The following GJA3 variants were observed in gnomAD, a reference collection of about 807,000 sequenced individuals.
The protein encoded by GJA3 is gap junction protein alpha 3.
For synonymous variants in GJA3, 297 were observed against 292.6 expected (o/e 1.02, Z -0.15); for missense variants, 571 against 620.3 (o/e 0.92, Z 0.84).
chr13:20,142,237 G>C lies in GJA3; in HGVS notation c.1052C>G (p.Ala351Gly). Residue 351 changes from alanine (A) to glycine (G), a missense_variant, in exon 2 of 2, where the codon GCC becomes GGC. Ala to Gly is a moderately conservative substitution (Grantham distance 60). Transcript: ENST00000241125. ...KAYPAASTPA[A>G]PSPVGSSSPP... ...GGAGCTGCTGCCGACGGGGCTGGGG[G>C]CTGCAGGCGTGGACGCTGCCGGGTA... 5.2e-6 allele frequency: 8 copies of C among 1,533,696 alleles called. No individual in the cohort carries two copies. The highest frequency in any genetic ancestry group is 7.0e-6 in the Non-Finnish European group (8 of 1,144,554).
At chr13:20,155,939 G>A (rs1228533358) in intron 1 of GJA3, among the ~76,000 whole-genome samples, 1 of 152,018 alleles carries the variant, frequency 6.6e-6, no homozygotes, top group African/African-American at 2.4e-5. Context: ...ATCTAATGCT[G>A]TTGCAGGAAA....
intron 1 of GJA3, among the ~76,000 whole-genome samples, chr13:20,158,978 T>C (rs564868642): frequency 6.7e-6 from 1 of 149,056 alleles, no homozygotes; most frequent in Non-Finnish European, 1.5e-5. Flanking sequence ...AGTACTAACC[T>C]AGTTATCATG....
rs1343558339 is a variant in GJA3 at position 20,138,562 on chromosome 13, A to G, written c.*3419T>C. 1 of 152,148 alleles carries G rather than the reference A, an allele frequency of 6.6e-6. No homozygotes were observed. Among genetic ancestry groups the G allele is most frequent in the Non-Finnish European group, 1.5e-5 (1 of 68,042 alleles). 9.4% of individuals were successfully genotyped at this position (152,148 alleles called of 1,614,324 possible). On this transcript the variant is annotated 3_prime_UTR_variant, in exon 2 of 2. Coordinates refer to ENST00000241125, the MANE Select transcript of GJA3 (RefSeq NM_021954.4). The stretch of plus-strand genomic sequence containing the variant: ...TGAGTCAACCCAAGATTTGCACTGT[A>G]ATATAAAATTAGGAAGAAAAGTGCC...
intron 1 of GJA3, among the ~76,000 whole-genome samples, chr13:20,148,792 G>C (rs1052473080): frequency 6.6e-6 from 1 of 152,208 alleles, no homozygotes; most frequent in African/African-American, 2.4e-5. Flanking sequence ...GGAGGCCCCC[G>C]GTGTGATCGC....
chr13:20,148,271 T>C (rs1958855580), intron 1 of GJA3, among the ~76,000 whole-genome samples: 1 of 149,052 alleles, frequency 6.7e-6, no homozygotes. Context: ...TTTTTTTTTT[T>C]TTTTGAGACA....
In GJA3 at chr13:20,142,883, G is replaced by A. The variant is rs1958820071; in HGVS notation, c.406C>T (p.Arg136Cys). 2 of 1,603,532 alleles carry A rather than the reference G, an allele frequency of 1.2e-6. No individual in the cohort carries two copies. The highest frequency in any genetic ancestry group is 1.7e-6 in the Non-Finnish European group (2 of 1,174,998). The stretch of plus-strand genomic sequence containing the variant: ...GCCCCGGCCATGCGCACCCTGCCGC[G>A]GTCGTCCCGCGACGAGGGATTGTCC... ...PQDNPSSRDD[R>C]GRVRMAGALL... The change falls in exon 2 of 2, where the codon CGC becomes TGC. Residue 136 changes from arginine to cysteine, a missense_variant. Arg to Cys is a radical substitution (Grantham distance 180, BLOSUM62 -3). Transcript: ENST00000241125.
chr13:20,145,263 T>C lies in GJA3; in HGVS notation c.-17-1958A>G, dbSNP rs539870835. On this transcript the variant is annotated intron_variant, in intron 1 of 1. Transcript: ENST00000241125. The stretch of plus-strand genomic sequence containing the variant: ...AAAAGAAAACTCTACTCATTAACAA[T>C]CTAAAGAAACAGACGAATGTTAACT... Among the ~76,000 whole-genome samples, 4 of 152,254 alleles carry C rather than the reference T, an allele frequency of 2.6e-5. No individual in the cohort carries two copies. In the East Asian group the frequency reaches 7.7e-4, roughly 29 times the overall value.
chr13:20,143,998 G>T (rs1426155627), intron 1 of GJA3, among the ~76,000 whole-genome samples: 3 of 152,174 alleles, frequency 2.0e-5, no homozygotes, highest in Admixed American at 2.0e-4. Context: ...ACAGTCTATG[G>T]GATATTGCTT....
intron 1 of GJA3, among the ~76,000 whole-genome samples, chr13:20,157,378 T>C (rs1276328165): frequency 2.0e-5 from 3 of 152,122 alleles, no homozygotes; most frequent in Non-Finnish European, 2.9e-5. Flanking sequence ...CTCATATAAA[T>C]CCAAATGACA....
intron 1 of GJA3, among the ~76,000 whole-genome samples, chr13:20,152,014 T>A (rs1187578164): frequency 6.6e-6 from 1 of 152,150 alleles, no homozygotes; most frequent in Non-Finnish European, 1.5e-5. Flanking sequence ...AACTGCCTTT[T>A]ACCAAGATGG....
intron 1 of GJA3, among the ~76,000 whole-genome samples, chr13:20,157,890 C>G (rs986954549): frequency 7.3e-6 from 1 of 136,176 alleles, no homozygotes; most frequent in African/African-American, 2.7e-5. Context: ...TTTTTTTTTT[C>G]TGTCACACTT....
intron 1 of GJA3, among the ~76,000 whole-genome samples, chr13:20,152,067 C>T (rs1040261902): frequency 6.6e-5 from 10 of 152,148 alleles, no homozygotes; most frequent in Non-Finnish European, 1.2e-4. Flanking sequence ...AAATGGCGAT[C>T]ATGAATTGTC....
chr13:20,142,439 C>T lies in GJA3; in HGVS notation c.850G>A (p.Ala284Thr), dbSNP rs1257499106. 3 of 1,511,416 alleles carry T rather than the reference C, an allele frequency of 2.0e-6. No individual in the cohort carries two copies. The highest frequency in any genetic ancestry group is 1.8e-6 in the Non-Finnish European group (2 of 1,129,182). The allele number at this position is 1,511,416 out of a possible 1,614,324, so 93.6% of individuals were successfully genotyped here. The change falls in exon 2 of 2, where the codon GCC becomes ACC. Residue 284 changes from alanine (A) to threonine (T), a missense_variant. By Grantham distance (58) the Ala-to-Thr change is moderately conservative. Coordinates refer to ENST00000241125, the MANE Select transcript of GJA3 (RefSeq NM_021954.4). ...GGCGGGGCCCCGGGGTAGCCCACGG[C>T]GCGGGCCTGTCCCAGGGGCGCAGCG... The part of the protein sequence containing the change: ...HTAAPLGQAR[A>T]VGYPGAPPPA...
chr13:20,160,702 T>C (rs1958931856), intron 1 of GJA3, among the ~76,000 whole-genome samples, 188 bp downstream of exon 1: 1 of 152,180 alleles, frequency 6.6e-6, no homozygotes, highest in African/African-American at 2.4e-5. Context: ...CCACAACTTT[T>C]TGAAGAATCC....
rs147535473 is a variant in GJA3, at chr13:20,142,707, G to A, written c.582C>T (p.Ile194=). The A allele has an allele frequency of 5.0e-6, 8 of 1,613,864 alleles. No individual in the cohort carries two copies. In the African/African-American group the frequency reaches 1.1e-4, roughly 22 times the overall value. ...WPCPNTVDCF[I]SRPTEKTIFI... ...AGATGGTCTTCTCCGTGGGCCTGGA[G>A]ATGAAGCAGTCCACCGTGTTGGGGC... is the stretch of plus-strand genomic sequence containing the variant. Residue 194 remains isoleucine (I), a synonymous_variant, in exon 2 of 2, where the codon ATC becomes ATT. Transcript: ENST00000241125.
At chr13:20,143,342 A>T (rs2141138571) in intron 1 of GJA3, 37 bp from the exon 2 acceptor site, 1 of 1,428,888 alleles carries the variant, frequency 7.0e-7, no homozygotes, top group South Asian at 1.4e-5. Context: ...CCGGGCTGCA[A>T]CGGCTGAGTG....
At chr13:20,150,372 GGTGTGTGTGT>G (rs71816956) in intron 1 of GJA3, among the ~76,000 whole-genome samples, 141 of 148,106 alleles carry the variant, frequency 9.5e-4, no homozygotes, top group African/African-American at 3.2e-3. Flanking sequence ...CACTGCTCCT[GGTGTGTGTGT>G]GTGTGTGTGT....
At position 20,142,873 on chromosome 13, in the gene GJA3, A is replaced by G; in HGVS notation, c.416T>C (p.Val139Ala). The change falls in exon 2 of 2, where the codon GTG (valine) becomes GCG (alanine). Residue 139 changes from valine (V) to alanine (A), a missense_variant. Physicochemically the swap from Val to Ala is moderately conservative, Grantham distance 64. Transcript: ENST00000241125. ...NPSSRDDRGRVRMAGALLRTY... is the reference protein window; with the variant it reads ...NPSSRDDRGRARMAGALLRTY... The stretch of plus-strand genomic sequence containing the variant: ...CCGCAGCAGCGCCCCGGCCATGCGC[A>G]CCCTGCCGCGGTCGTCCCGCGACGA... 1 of 1,606,680 alleles carries G rather than the reference A, an allele frequency of 6.2e-7. No homozygotes were observed. Among genetic ancestry groups the G allele is most frequent in the South Asian group, 1.1e-5 (1 of 90,428 alleles).
In GJA3 at chr13:20,143,400, A is replaced by G. The variant is rs571604266; in HGVS notation, c.-17-95T>C. ...CGGCAGCGGCCTGGATGGTACTGGG[A>G]TGGGGCTGATGGGCAGCTTCTCCAC... On this transcript the variant is annotated intron_variant, in intron 1 of 1. Transcript: ENST00000241125. The G allele has an allele frequency of 2.0e-4, 152 of 751,612 alleles. No individual in the cohort carries two copies. The African/African-American group carries it at 2.3e-3, about 11-fold the overall frequency. The allele number at this position is 751,612 out of a possible 1,614,324, so 46.6% of individuals were successfully genotyped here. A position where few individuals can be genotyped will look rare whatever the true frequency, so the allele number is the denominator to read the frequency against.
Sources: gnomAD v4.1 joint callset for allele counts (sites outside exome capture counted in the v4.1 genomes callset) on GRCh38, gnomAD v4.1.1 for gene constraint, MANE v1.5 for transcripts, NCBI Gene and HGNC (gene_info 2026-07-23, HGNC 2026-07-21) for gene names.